Variants in GMDS observed in about 807,000 individuals in gnomAD.
The protein encoded by GMDS is GDP-mannose 4,6-dehydratase, also known as GDP-mannose 4,6 dehydratase.
Under a neutral mutation model 49.9 loss-of-function variants are expected in GMDS, and 20 were observed. The observed-to-expected ratio is 0.40, with a 90% CI of 0.28 to 0.58. GMDS has a LOEUF of 0.58. GMDS is among the 20% of genes least tolerant of loss of function. The pLI, the probability that GMDS is intolerant of heterozygous loss-of-function variation, is 0.42. For missense variants in GMDS, 362 were observed against 481.4 expected, an observed-to-expected ratio of 0.75 and a Z score of 2.32; for synonymous variants, 177 against 178.6, an observed-to-expected ratio of 0.99 and a Z score of 0.07.
At chr6:2,237,291 G>C (rs911335301) in intron 1 of GMDS, among the ~76,000 whole-genome samples, 2 of 152,192 alleles carry the variant, frequency 1.3e-5, no homozygotes, top group African/African-American at 4.8e-5. Context: ...CAAAGACTAG[G>C]TTTGGCACAT....
intron 7 of GMDS, among the ~76,000 whole-genome samples, chr6:1,755,500 T>G (rs1216700707): frequency 6.6e-6 from 1 of 152,094 alleles, no homozygotes; most frequent in Non-Finnish European, 1.5e-5. Flanking sequence ...CCACTGACTT[T>G]CTTCATAGAA....
intron 9 of GMDS, among the ~76,000 whole-genome samples, chr6:1,677,712 C>T (rs1210427148): frequency 2.7e-5 from 4 of 148,478 alleles, no homozygotes; most frequent in South Asian, 2.1e-4. Context: ...AACCAAGCAC[C>T]GCATGTTCTC....
chr6:1,883,187 T>C (rs1759441410), intron 7 of GMDS, among the ~76,000 whole-genome samples: 1 of 151,952 alleles, frequency 6.6e-6, no homozygotes, highest in Admixed American at 6.6e-5. Context: ...GGTCAAGAGA[T>C]CCAGACCATC....
intron 9 of GMDS, among the ~76,000 whole-genome samples, chr6:1,725,474 T>C (rs1231046613): frequency 6.6e-6 from 1 of 152,042 alleles, no homozygotes; most frequent in South Asian, 2.1e-4. Flanking sequence ...TCTTGTTGCC[T>C]AGGCTGGAGT....
At chr6:2,008,586 T>C (rs1004034993) in intron 4 of GMDS, among the ~76,000 whole-genome samples, 16 of 152,342 alleles carry the variant, frequency 1.1e-4, no homozygotes, top group African/African-American at 3.8e-4. Flanking sequence ...GCTGATACTC[T>C]ATATTGCTGG....
intron 1 of GMDS, among the ~76,000 whole-genome samples, chr6:2,156,405 C>A (rs1453733018): frequency 1.3e-5 from 2 of 152,088 alleles, no homozygotes; most frequent in Non-Finnish European, 2.9e-5. Flanking sequence ...AAAGGCAAGC[C>A]TGCCTGCCTT....
intron 1 of GMDS, among the ~76,000 whole-genome samples, chr6:2,211,683 C>T (rs758742519): frequency 3.9e-5 from 6 of 151,924 alleles, no homozygotes; most frequent in South Asian, 2.1e-4. Flanking sequence ...CCAAAGAACA[C>T]GTAAGGCAGG....
At chr6:1,741,940 G>A (rs1289636172) in intron 8 of GMDS, among the ~76,000 whole-genome samples, 1 of 112,928 alleles carries the variant, frequency 8.9e-6, no homozygotes. Context: ...TTTTTTTTTT[G>A]AGATGGAGTC....
intron 4 of GMDS, among the ~76,000 whole-genome samples, chr6:2,036,378 G>C (rs1482466369): frequency 6.6e-6 from 1 of 151,916 alleles, no homozygotes; most frequent in Non-Finnish European, 1.5e-5. Flanking sequence ...GGAATAAACT[G>C]AGTTATTGAT....
At chr6:1,779,034 G>A (rs554118539) in intron 7 of GMDS, among the ~76,000 whole-genome samples, 12 of 152,204 alleles carry the variant, frequency 7.9e-5, no homozygotes, top group African/African-American at 2.6e-4. Flanking sequence ...GTGGGAGTGA[G>A]GAGGGAGCGC....
chr6:1,703,632 G>C (rs1765620429), intron 9 of GMDS, among the ~76,000 whole-genome samples: 1 of 152,250 alleles, frequency 6.6e-6, no homozygotes, highest in Non-Finnish European at 1.5e-5. Context: ...GGATGCGCCT[G>C]CTGGCATCTG....
intron 7 of GMDS, among the ~76,000 whole-genome samples, chr6:1,807,577 T>C (rs1770233749): frequency 6.6e-6 from 1 of 152,186 alleles, no homozygotes; most frequent in Non-Finnish European, 1.5e-5. Flanking sequence ...TAGAATTCAT[T>C]AGGATAGTTT....
chr6:1,809,107 T>C (rs1264505507), intron 7 of GMDS, among the ~76,000 whole-genome samples: 3 of 152,264 alleles, frequency 2.0e-5, no homozygotes, highest in African/African-American at 7.2e-5. Context: ...CTAAATGTCA[T>C]ATCTAATGAA....
rs1290766184 is a variant in GMDS at position 1,836,168 on chromosome 6, C to T, written c.772-93582G>A. ...AGGCCTGAGCCACCGTGCCTGGCCT[C>T]GTTTGCTTTATTTTTTAAGTACGTT... On this transcript the variant is annotated intron_variant, in intron 7 of 10. Coordinates refer to ENST00000380815, the MANE Select transcript of GMDS (RefSeq NM_001500.4). This position sits in a 1 kb window ranked among gnomAD's most constrained non-coding sequence, Gnocchi z 4.2. 2.0e-5 allele frequency among the ~76,000 whole-genome samples: 3 copies of T among 152,130 alleles called. No individual in the cohort carries two copies. Among genetic ancestry groups the T allele is most frequent in the South Asian group, 2.1e-4 (1 of 4,824 alleles).
At chr6:1,819,546 A>G (rs1770800119) in intron 7 of GMDS, among the ~76,000 whole-genome samples, 1 of 151,976 alleles carries the variant, frequency 6.6e-6, no homozygotes, top group Non-Finnish European at 1.5e-5. Flanking sequence ...GGATCACTTG[A>G]GGTCAGAAGT....
At position 1,832,763 on chromosome 6, in the gene GMDS, A is replaced by G. The variant is rs530220086; in HGVS notation, c.772-90177T>C. The stretch of plus-strand genomic sequence containing the variant: ...GTGAGGCCGACACATTTCAGAAAGC[A>G]TATCTGCAAACTGCCTATAAGGCAA... On this transcript the variant is annotated intron_variant, in intron 7 of 10. Coordinates refer to ENST00000380815, the MANE Select transcript of GMDS (RefSeq NM_001500.4). Among the ~76,000 whole-genome samples, 26 of 151,600 alleles carry G rather than the reference A, an allele frequency of 1.7e-4. No individual in the cohort carries two copies. The East Asian group carries it at 2.7e-3, about 16-fold the overall frequency.
chr6:1,961,568 A>G (rs566292980), intron 4 of GMDS, among the ~76,000 whole-genome samples: 6 of 152,372 alleles, frequency 3.9e-5, no homozygotes, highest in Admixed American at 3.9e-4. Context: ...ATGCTGAGGA[A>G]TAATTCGATA....
intron 9 of GMDS, among the ~76,000 whole-genome samples, chr6:1,660,306 G>C (rs781250550): frequency 6.6e-6 from 1 of 152,096 alleles, no homozygotes; most frequent in Non-Finnish European, 1.5e-5. Flanking sequence ...TAGGATTTCA[G>C]CTGTAGGAAT....
chr6:1,647,797 G>C (rs576912839), intron 9 of GMDS, among the ~76,000 whole-genome samples: 1 of 152,278 alleles, frequency 6.6e-6, no homozygotes, highest in South Asian at 2.1e-4. Flanking sequence ...GGAAGGACAA[G>C]CCCTTCCTTC....
Sources: gnomAD v4.1 joint callset for allele counts (sites outside exome capture counted in the v4.1 genomes callset) on GRCh38, gnomAD v4.1.1 for gene constraint, Gnocchi (gnomAD v3.1) non-coding constraint, MANE v1.5 for transcripts, NCBI Gene and HGNC (gene_info 2026-07-23, HGNC 2026-07-21) for gene names.